Variants in CDH2 observed in about 807,000 individuals in gnomAD.
CDH2 encodes the protein cadherin-2.
Under a neutral mutation model 92.0 loss-of-function variants are expected in CDH2, and 17 were observed. The observed-to-expected ratio is 0.18, with a 90% CI of 0.13 to 0.28. The LOEUF is 0.28. Ranked by LOEUF, CDH2 falls within the 10% of genes least tolerant of loss-of-function variation. The pLI, the probability that CDH2 is intolerant of heterozygous loss-of-function variation, is 1.00. For synonymous variants in CDH2, 419 were observed against 415.9 expected (o/e 1.01, Z -0.09); for missense variants, 862 against 1,133.1 (o/e 0.76, Z 3.44).
intron 2 of CDH2, among the ~76,000 whole-genome samples, chr18:28,071,501 G>A (rs2014617486): frequency 6.6e-6 from 1 of 152,132 alleles, no homozygotes; most frequent in Admixed American, 6.6e-5. Context: ...ACAGAAGGCT[G>A]ATTTTTGCCT....
At chr18:27,989,937 T>C (rs1019411556) in intron 10 of CDH2, among the ~76,000 whole-genome samples, 160 bp downstream of exon 10, 4 of 152,234 alleles carry the variant, frequency 2.6e-5, no homozygotes, top group South Asian at 2.1e-4. Flanking sequence ...AATATAGTCA[T>C]TGACTTACTG....
At chr18:27,966,420 G>A (rs1290517681) in intron 14 of CDH2, among the ~76,000 whole-genome samples, 2 of 152,182 alleles carry the variant, frequency 1.3e-5, no homozygotes, top group Non-Finnish European at 2.9e-5. Context: ...AGGCATGTGG[G>A]CTTTGCTCAT....
intron 2 of CDH2, among the ~76,000 whole-genome samples, chr18:28,125,136 C>T (rs928694570): frequency 2.0e-5 from 3 of 152,124 alleles, no homozygotes; most frequent in Non-Finnish European, 4.4e-5. Context: ...CTCTAAAGGT[C>T]AAGAAGACAG....
chr18:28,111,280 A>C (rs1385358842), intron 2 of CDH2, among the ~76,000 whole-genome samples: 1 of 152,236 alleles, frequency 6.6e-6, no homozygotes, highest in Non-Finnish European at 1.5e-5. Context: ...CTAGACAGAG[A>C]TATTTCGAGG....
At chr18:28,033,833 GTACAGAAGTAACC>G (rs1220926417) in intron 2 of CDH2, among the ~76,000 whole-genome samples, 2 of 151,984 alleles carry the variant, frequency 1.3e-5, no homozygotes, top group Non-Finnish European at 2.9e-5. Flanking sequence ...TTGGAGTACA[GTACAGAAGTAACC>G]TCACTATCTA....
intron 2 of CDH2, among the ~76,000 whole-genome samples, chr18:28,087,533 T>C (rs2014956097): frequency 6.6e-6 from 1 of 152,110 alleles, no homozygotes; most frequent in African/African-American, 2.4e-5. Context: ...TTAGATAAAC[T>C]GGGTTTTTAC....
chr18:28,012,109 A>T, intron 3 of CDH2, 117 bp from the exon 4 acceptor site: 1 of 839,628 alleles, frequency 1.2e-6, no homozygotes, highest in Non-Finnish European at 1.8e-6. Context: ...AACAAAAAAT[A>T]AGTCTGGAGG....
At chr18:28,118,385 CCTCA>C (rs1200791868) in intron 2 of CDH2, among the ~76,000 whole-genome samples, 1 of 152,038 alleles carries the variant, frequency 6.6e-6, no homozygotes, top group East Asian at 1.9e-4. Flanking sequence ...CAATATTGAT[CCTCA>C]CTATTTTAAT....
chr18:27,947,616 A>AC (rs1909301250), downstream of CDH2, among the ~76,000 whole-genome samples: 1 of 151,896 alleles, frequency 6.6e-6, no homozygotes, highest in Non-Finnish European at 1.5e-5. Flanking sequence ...CCGGAAACAA[A>AC]CACATGCTTA....
intron 2 of CDH2, among the ~76,000 whole-genome samples, chr18:28,031,239 C>CA (rs1386555754): frequency 6.6e-6 from 1 of 151,912 alleles, no homozygotes; most frequent in African/African-American, 2.4e-5. Context: ...GCTCAGGCTA[C>CA]AAGTCTAGGA....
intron 7 of CDH2, among the ~76,000 whole-genome samples, chr18:27,995,520 T>A (rs1464663078): frequency 6.6e-6 from 1 of 152,108 alleles, no homozygotes; most frequent in Non-Finnish European, 1.5e-5. Flanking sequence ...TAGCTGCTAT[T>A]TGCAGAAACA....
At chr18:28,151,144 G>A (rs1183934243) in intron 1 of CDH2, among the ~76,000 whole-genome samples, 1 of 152,214 alleles carries the variant, frequency 6.6e-6, no homozygotes, top group Non-Finnish European at 1.5e-5. Flanking sequence ...AATCCCCTTA[G>A]GGGGGCTGAC....
chr18:28,020,805 G>A (rs543112641), intron 2 of CDH2, among the ~76,000 whole-genome samples: 3 of 151,990 alleles, frequency 2.0e-5, no homozygotes, highest in South Asian at 2.1e-4. Flanking sequence ...TTGCAAACTA[G>A]AAACTTTAGT....
intron 2 of CDH2, among the ~76,000 whole-genome samples, chr18:28,052,580 C>A (rs1163541759): frequency 6.6e-6 from 1 of 152,072 alleles, no homozygotes; most frequent in Admixed American, 6.6e-5. Context: ...ACTTTAACTT[C>A]AGTGTTACAT....
chr18:28,045,251 G>T (rs1469564994), intron 2 of CDH2, among the ~76,000 whole-genome samples: 1 of 152,096 alleles, frequency 6.6e-6, no homozygotes, highest in Non-Finnish European at 1.5e-5. Context: ...AACCTCTTAT[G>T]AGGCCTCTAG....
chr18:28,122,148 A>G (rs1475897605), intron 2 of CDH2, among the ~76,000 whole-genome samples: 3 of 152,030 alleles, frequency 2.0e-5, no homozygotes, highest in African/African-American at 7.2e-5. Context: ...AAAACATCTC[A>G]ATTGGCTTCA....
intron 13 of CDH2, 37 bp from the exon 14 acceptor site, chr18:27,983,120 A>AT (rs2012113523): frequency 1.3e-6 from 2 of 1,548,632 alleles, no homozygotes; most frequent in African/African-American, 2.7e-5. Context: ...TAATATTGTC[A>AT]TTTTTAAAGC....
intron 2 of CDH2, among the ~76,000 whole-genome samples, chr18:28,073,246 C>T (rs556967902): frequency 1.2e-3 from 187 of 152,004 alleles, no homozygotes; most frequent in South Asian, 6.0e-3. Flanking sequence ...ATTTACTGGC[C>T]CAACATGTTT....
intron 2 of CDH2, chr18:28,146,752 G>C (rs1337607048): frequency 6.6e-6 from 1 of 152,026 alleles, no homozygotes; most frequent in Non-Finnish European, 1.5e-5. Context: ...CTGTGTGGTA[G>C]AGCTCTGTGT....
Sources: gnomAD v4.1 joint callset for allele counts (sites outside exome capture counted in the v4.1 genomes callset) on GRCh38, gnomAD v4.1.1 for gene constraint, MANE v1.5 for transcripts, NCBI Gene and HGNC (gene_info 2026-07-23, HGNC 2026-07-21) for gene names.